Variants in RAPGEF1 observed in about 807,000 individuals in gnomAD.
RAPGEF1 encodes the protein CRK SH3-binding GNRP.
RAPGEF1 carries 33 observed loss-of-function variants against 143.3 expected under a neutral mutation model. The ratio of observed to expected loss-of-function variants is 0.23; its 90% CI spans 0.17 to 0.31. The LOEUF is 0.31. RAPGEF1 is among the 10% of genes least tolerant of loss of function. RAPGEF1 has a pLI of 1.00. For missense variants in RAPGEF1, 1,199 were observed against 1,645.4 expected, an observed-to-expected ratio of 0.73 and a Z score of 4.69; for synonymous variants, 629 against 676.5, an observed-to-expected ratio of 0.93 and a Z score of 1.09.
Position 131,628,009 on chromosome 9 carries a change from T to A in RAPGEF1, c.1105A>T (p.Ser369Cys). 1.3e-6 allele frequency: 2 copies of A among 1,596,262 alleles called. No homozygotes were observed. The highest frequency in any genetic ancestry group is 1.7e-6 in the Non-Finnish European group (2 of 1,171,640). ...GGESPRLSPC[S>C]SIGKLSKSDE... is the part of the protein sequence containing the mutation. ...GACTTGCTGAGCTTGCCTATGCTGCTGCAGGGGGAGAGGCGGGGCGACTCT... is the reference window on the plus strand; with the variant it reads ...GACTTGCTGAGCTTGCCTATGCTGCAGCAGGGGGAGAGGCGGGGCGACTCT... Residue 369 changes from serine to cysteine, a missense_variant, in exon 9 of 27, where the codon AGC (serine) becomes TGC (cysteine). Physicochemically the swap from Ser to Cys is moderately radical, Grantham distance 112. Around this residue, in one of 6 missense-constraint regions of RAPGEF1, gnomAD observed 613 missense variants for 710.9 expected, o/e 0.86. Coordinates refer to ENST00000683357, the MANE Select transcript of RAPGEF1 (RefSeq NM_001377935.1). The surrounding 1 kb of genome is among the most constrained non-coding windows in gnomAD (Gnocchi z 5.7).
chr9:131,589,855 G>A (rs1266515403), intron 19 of RAPGEF1, 31 bp downstream of exon 19: 5 of 1,589,186 alleles, frequency 3.1e-6, no homozygotes, highest in Admixed American at 3.3e-5. Context: ...CTCCCCACTG[G>A]CCCCCAGGAC....
In RAPGEF1 at chr9:131,602,128, C is replaced by A. The variant is rs762417571; in HGVS notation, c.2434G>T (p.Gly812Ter). Residue 812 changes from glycine (G) to a stop codon, truncating the protein, a stop_gained, in exon 15 of 27, where the codon GGA (glycine) becomes TGA (stop). Transcript: ENST00000683357. LOFTEE classifies it high-confidence loss of function. ...SRGEPPAGKD[G>*]HPRDPSAVSG... is the part of the protein sequence containing the mutation. Reference sequence around the variant, plus strand: ...ACCGCTGAGGGATCTCTGGGATGTCCGTCTTTCCCAGCCGGTGGCTCCTGG... The same window carrying A: ...ACCGCTGAGGGATCTCTGGGATGTCAGTCTTTCCCAGCCGGTGGCTCCTGG... The A allele has an allele frequency of 6.3e-7, 1 of 1,596,856 alleles. No individual in the cohort carries two copies. Among genetic ancestry groups the A allele is most frequent in the African/African-American group, 1.3e-5 (1 of 74,646 alleles).
At chr9:131,646,706 G>T (rs1168944038) in intron 3 of RAPGEF1, among the ~76,000 whole-genome samples, 1 of 152,154 alleles carries the variant, frequency 6.6e-6, no homozygotes, top group Non-Finnish European at 1.5e-5. Flanking sequence ...CTATAGGACA[G>T]TGTACCCTGA....
intron 1 of RAPGEF1, among the ~76,000 whole-genome samples, chr9:131,708,774 C>T (rs1466458463): frequency 5.3e-5 from 8 of 152,084 alleles, no homozygotes; most frequent in African/African-American, 1.9e-4. Flanking sequence ...CTCTGTCACC[C>T]AGGCTGGAGT....
chr9:131,638,465 G>A (rs1001225811), intron 5 of RAPGEF1, among the ~76,000 whole-genome samples, 170 bp downstream of exon 5: 3 of 152,192 alleles, frequency 2.0e-5, no homozygotes, highest in African/African-American at 7.2e-5. Context: ...AGAGCCATTC[G>A]CACCAGTCCT....
In RAPGEF1 at chr9:131,578,142, A is replaced by T. The variant is rs1484634743; in HGVS notation, c.*1355T>A. On this transcript the variant is annotated 3_prime_UTR_variant, in exon 27 of 27. Coordinates refer to ENST00000683357, the MANE Select transcript of RAPGEF1 (RefSeq NM_001377935.1). ...CGGAGGCATGGGCTGGGGCAGCACA[A>T]CTGGGTTCCCGCAGCGCCCTGCCTG... 1 of 152,268 alleles carries T rather than the reference A, an allele frequency of 6.6e-6. No homozygotes were observed. The highest frequency in any genetic ancestry group is 1.5e-5 in the Non-Finnish European group (1 of 68,086). 9.4% of individuals were successfully genotyped at this position (152,268 alleles called of 1,614,324 possible).
chr9:131,616,589 G>A (rs1959048152), intron 12 of RAPGEF1, among the ~76,000 whole-genome samples: 1 of 152,196 alleles, frequency 6.6e-6, no homozygotes, highest in South Asian at 2.1e-4. Flanking sequence ...TTGGCAAGAG[G>A]TTTTCAATGG....
At chr9:131,688,331 A>G (rs1392059318) in intron 1 of RAPGEF1, among the ~76,000 whole-genome samples, 2 of 152,232 alleles carry the variant, frequency 1.3e-5, no homozygotes, top group Non-Finnish European at 2.9e-5. Context: ...GTGTTGAATA[A>G]AAGAACCACA....
chr9:131,594,622 T>G (rs1954927033), intron 17 of RAPGEF1, among the ~76,000 whole-genome samples: 1 of 152,204 alleles, frequency 6.6e-6, no homozygotes, highest in Admixed American at 6.5e-5. Flanking sequence ...TGCCACAGGG[T>G]GCTTCACCCT....
intron 5 of RAPGEF1, among the ~76,000 whole-genome samples, chr9:131,637,407 T>G (rs79963527): frequency 0.09 from 13,739 of 152,162 alleles, 763 homozygotes; most frequent in East Asian, 0.26. Flanking sequence ...TCTGGAGCAA[T>G]TTGCAATGCT....
intron 22 of RAPGEF1, among the ~76,000 whole-genome samples, chr9:131,586,139 T>C (rs2132156026): frequency 6.6e-6 from 1 of 151,978 alleles, no homozygotes; most frequent in South Asian, 2.1e-4. Flanking sequence ...GAGCTTGCAG[T>C]GAGCCGAGAT....
At chr9:131,685,773 C>T (rs571936839) in intron 1 of RAPGEF1, among the ~76,000 whole-genome samples, 94 of 152,108 alleles carry the variant, frequency 6.2e-4, no homozygotes, top group Non-Finnish European at 8.5e-4. Flanking sequence ...CCTCTAGCGC[C>T]GCTGGGTTAG....
chr9:131,590,051 C>G (rs1457551956), intron 18 of RAPGEF1, 73 bp from the exon 19 acceptor site: 4 of 1,342,700 alleles, frequency 3.0e-6, no homozygotes, highest in Non-Finnish European at 4.3e-6. Flanking sequence ...CTCCTGGTGA[C>G]CACTCACTGA....
chr9:131,627,454 C>A (rs1362133098), intron 9 of RAPGEF1, among the ~76,000 whole-genome samples: 1 of 152,130 alleles, frequency 6.6e-6, no homozygotes, highest in Admixed American at 6.5e-5. Flanking sequence ...CGAACAGCTT[C>A]CTGCTCTCTA....
rs1964104322 is a variant in RAPGEF1 at position 131,628,997 on chromosome 9, G to C, written c.893+105C>G. The C allele has an allele frequency of 4.2e-6, 6 of 1,433,436 alleles. No homozygotes were observed. Among genetic ancestry groups the C allele is most frequent in the African/African-American group, 1.4e-5 (1 of 70,042 alleles). The allele number at this position is 1,433,436 out of a possible 1,614,324, so 88.8% of individuals were successfully genotyped here. On this transcript the variant is annotated intron_variant, in intron 7 of 26. Transcript: ENST00000683357. The surrounding 1 kb of genome is among the most constrained non-coding windows in gnomAD (Gnocchi z 5.7). ...CAGCTCCAGAGTCAGCCTCCCAAGG[G>C]GGGCCAAGCCCTCAGCGCTGAGGGG... is the stretch of plus-strand genomic sequence containing the variant.
chr9:131,677,743 TC>T (rs2130890923), intron 1 of RAPGEF1, among the ~76,000 whole-genome samples: 1 of 152,314 alleles, frequency 6.6e-6, no homozygotes, highest in African/African-American at 2.4e-5. Context: ...CAGCTTTTCT[TC>T]CTCTCTCCTC....
intron 1 of RAPGEF1, among the ~76,000 whole-genome samples, chr9:131,671,283 T>A (rs1441505104): frequency 6.6e-6 from 1 of 152,246 alleles, no homozygotes; most frequent in Admixed American, 6.5e-5. Flanking sequence ...GGCAGCCTCC[T>A]GCCGTCTGTC....
Position 131,737,407 on chromosome 9 carries a change from G to C in RAPGEF1, c.61+2363C>G, listed in dbSNP as rs569531916. ...CACTCATGACACCCCTCTCTCACCT[G>C]TGTCCATGGCAGCACGGTCGCTCGG... On this transcript the variant is annotated intron_variant, in intron 1 of 26. Transcript: ENST00000683357. The C allele has an allele frequency of 5.1e-5, 83 of 1,613,788 alleles. 1 individual carries two copies. The South Asian group carries it at 8.3e-4, about 16-fold the overall frequency.
rs554311728 is a variant in RAPGEF1, at chr9:131,593,691, G to T, written c.2690-1508C>A. 1.8e-4 allele frequency among the ~76,000 whole-genome samples: 28 copies of T among 152,254 alleles called. 2 individuals are homozygous for T. In the South Asian group the frequency reaches 5.4e-3, roughly 29 times the overall value. On this transcript the variant is annotated intron_variant, in intron 17 of 26. Transcript: ENST00000683357. ...CCTGCTCTTGCACTGGGGGCTGCGT[G>T]GGGTGGGGCTGGCAGGTGAAGGAGG...
Sources: allele counts gnomAD v4.1 joint callset (sites outside exome capture counted in the v4.1 genomes callset), GRCh38; gene constraint gnomAD v4.1.1; regional missense constraint gnomAD v4.1.1; non-coding constraint Gnocchi (gnomAD v3.1); transcripts MANE v1.5; gene names NCBI Gene and HGNC (gene_info 2026-07-23, HGNC 2026-07-21).